Variants in CIMAP3 observed in about 807,000 individuals in gnomAD.
The protein encoded by CIMAP3 is ciliary microtubule-associated protein 3.
chr1:111,335,161 A>AT, the CIMAP3 span, among the ~76,000 whole-genome samples: 42 of 128,288 alleles, frequency 3.3e-4, 2 homozygotes, highest in Non-Finnish European at 4.2e-4. Context: ...AAAGACAGAA[A>AT]AAAAAAGAAA....
At chr1:111,346,577 C>T in the CIMAP3 span, 21 of 1,604,820 alleles carry the variant, frequency 1.3e-5, no homozygotes, top group Middle Eastern at 1.8e-4. Context: ...CCCCGCGCTC[C>T]GCAGCTGGGA....
the CIMAP3 span, among the ~76,000 whole-genome samples, chr1:111,326,329 A>G: frequency 2.6e-5 from 4 of 152,202 alleles, no homozygotes; most frequent in East Asian, 7.7e-4. Flanking sequence ...AGCCTCTAGT[A>G]TCTACCATTC....
At chr1:111,337,460 A>G in the CIMAP3 span, among the ~76,000 whole-genome samples, 326 of 152,196 alleles carry the variant, frequency 2.1e-3, 3 homozygotes, top group Admixed American at 0.02. Flanking sequence ...CCCATCTCAC[A>G]TGCAGAGACA....
At chr1:111,343,783 T>C in the CIMAP3 span, among the ~76,000 whole-genome samples, 6,927 of 152,322 alleles carry the variant, frequency 0.045, 328 homozygotes, top group African/African-American at 0.11. Flanking sequence ...TTAAGTTATG[T>C]TGATCACATT....
chr1:111,329,737 A>T, the CIMAP3 span, among the ~76,000 whole-genome samples: 1 of 151,750 alleles, frequency 6.6e-6, no homozygotes, highest in South Asian at 2.1e-4. Flanking sequence ...TATTTTTAGT[A>T]GAGACAGGGT....
chr1:111,337,311 A>G, the CIMAP3 span, among the ~76,000 whole-genome samples: 1 of 152,334 alleles, frequency 6.6e-6, no homozygotes, highest in African/African-American at 2.4e-5. Flanking sequence ...ATAGCCAGCT[A>G]ACATCATAAT....
chr1:111,341,273 G>C, the CIMAP3 span, among the ~76,000 whole-genome samples: 1 of 151,862 alleles, frequency 6.6e-6, no homozygotes, highest in East Asian at 1.9e-4. Context: ...ACGAGTTAGT[G>C]GGTGCAGCAC....
chr1:111,327,548 C>T, the CIMAP3 span, among the ~76,000 whole-genome samples: 1,098 of 152,224 alleles, frequency 7.2e-3, 13 homozygotes, highest in African/African-American at 0.025. Context: ...TGTCATTGGC[C>T]TATTCAGGGA....
chr1:111,330,991 CT>C, the CIMAP3 span, among the ~76,000 whole-genome samples: 1 of 152,192 alleles, frequency 6.6e-6, no homozygotes, highest in South Asian at 2.1e-4. Context: ...TTTCTATTCA[CT>C]TTGAAAACTC....
the CIMAP3 span, among the ~76,000 whole-genome samples, chr1:111,342,227 A>G: frequency 3.9e-5 from 6 of 152,330 alleles, no homozygotes; most frequent in Admixed American, 1.3e-4. Context: ...AGATTCCTCA[A>G]TGGAAACTAT....
chr1:111,331,730 A>T, the CIMAP3 span, among the ~76,000 whole-genome samples: 3 of 147,824 alleles, frequency 2.0e-5, no homozygotes, highest in African/African-American at 7.4e-5. Flanking sequence ...TTACTGGAGA[A>T]TTTTTTTTTT....
the CIMAP3 span, chr1:111,349,478 A>G: frequency 3.3e-5 from 5 of 152,368 alleles, no homozygotes; most frequent in African/African-American, 1.2e-4. Context: ...TTGTAGGGCA[A>G]AAGATCAAGG....
At chr1:111,331,139 C>G in the CIMAP3 span, among the ~76,000 whole-genome samples, 1 of 152,128 alleles carries the variant, frequency 6.6e-6, no homozygotes, top group Non-Finnish European at 1.5e-5. Flanking sequence ...TTTCAAAATT[C>G]TTTCTTTGTC....
the CIMAP3 span, among the ~76,000 whole-genome samples, chr1:111,342,838 A>G: frequency 0.7 from 106,385 of 151,978 alleles, 37,799 homozygotes; most frequent in South Asian, 0.79. Context: ...ATGGCAGGAG[A>G]GGTGCCACAG....
At chr1:111,351,625 T>G in the CIMAP3 span, 5 of 235,236 alleles carry the variant, frequency 2.1e-5, no homozygotes, top group Non-Finnish European at 3.3e-5. Context: ...CTAGTTCTAA[T>G]TCCCAGGAGC....
chr1:111,329,777 C>T, the CIMAP3 span, among the ~76,000 whole-genome samples: 1 of 151,948 alleles, frequency 6.6e-6, no homozygotes, highest in Non-Finnish European at 1.5e-5. Flanking sequence ...TGGTCTTGAA[C>T]TCCTGACCTC....
the CIMAP3 span, chr1:111,350,052 GT>G: frequency 1.4e-6 from 2 of 1,446,240 alleles, no homozygotes; most frequent in Non-Finnish European, 1.9e-6. Flanking sequence ...TACTGATGGA[GT>G]TTGTGTATGA....
chr1:111,340,745 T>C, the CIMAP3 span, among the ~76,000 whole-genome samples: 1 of 152,038 alleles, frequency 6.6e-6, no homozygotes, highest in African/African-American at 2.4e-5. Flanking sequence ...AGGAACACTT[T>C]TACACTGTTG....
At chr1:111,345,313 T>C in the CIMAP3 span, among the ~76,000 whole-genome samples, 1 of 152,230 alleles carries the variant, frequency 6.6e-6, no homozygotes, top group Non-Finnish European at 1.5e-5. Context: ...TGGCTCCTCA[T>C]AACAACCTTT....
Sources: allele counts gnomAD v4.1 joint callset (sites outside exome capture counted in the v4.1 genomes callset), GRCh38; gene constraint gnomAD v4.1.1; transcripts MANE v1.5; gene names NCBI Gene and HGNC (gene_info 2026-07-23, HGNC 2026-07-21).